LDLRAD2: variants seen among roughly 807,000 people sequenced by gnomAD.
LDLRAD2 encodes the protein low-density lipoprotein receptor class A domain-containing protein 2.
LDLRAD2 carries 25 observed loss-of-function variants against 24.9 expected under a neutral mutation model. The observed-to-expected ratio is 1.00, with a 90% CI of 0.73 to 1.40. The LOEUF is 1.40. Ranked by LOEUF, LDLRAD2 falls within the 40% of genes most tolerant of loss-of-function variation. The probability of loss-of-function intolerance (pLI) is 0.00; values close to 1 mark genes in which losing one functional copy is unlikely to be tolerated. For missense variants in LDLRAD2, 391 were observed against 366.2 expected (o/e 1.07, Z -0.55); for synonymous variants, 182 against 166.7 (o/e 1.09, Z -0.71).
At chr1:21,819,499 T>A (rs1345066465) in intron 3 of LDLRAD2, among the ~76,000 whole-genome samples, 1 of 149,908 alleles carries the variant, frequency 6.7e-6, no homozygotes, top group Non-Finnish European at 1.5e-5. Flanking sequence ...TATAAATTTA[T>A]AAATTTATAA....
intron 3 of LDLRAD2, among the ~76,000 whole-genome samples, chr1:21,818,026 A>G (rs1011884080): frequency 7.3e-5 from 11 of 151,702 alleles, no homozygotes; most frequent in African/African-American, 2.2e-4. Context: ...ACAGGTGCAC[A>G]CCACCACGCT....
chr1:21,822,849 C>A lies in LDLRAD2; in HGVS notation c.*634C>A. On this transcript the variant is annotated 3_prime_UTR_variant, in exon 5 of 5. Coordinates refer to ENST00000344642, the MANE Select transcript of LDLRAD2 (RefSeq NM_001013693.3). The stretch of plus-strand genomic sequence containing the variant: ...GCTGCCTTTTGCTCCACAGCCGGCA[C>A]TAAAGACAATTCCCAATCCTGAGTG... The A allele has an allele frequency of 6.2e-6, 1 of 162,558 alleles. No homozygotes were observed. Among genetic ancestry groups the A allele is most frequent in the Non-Finnish European group, 1.4e-5 (1 of 74,064 alleles). 10.1% of individuals were successfully genotyped at this position (162,558 alleles called of 1,614,324 possible).
In LDLRAD2 at chr1:21,822,538, A is replaced by G. The variant is rs1390613588; in HGVS notation, c.*323A>G. ...GGAGTCCCTGGGCCTTCACTTCCAG[A>G]TGGGTGGGGATGTGGCCTGGGGTGG... On this transcript the variant is annotated 3_prime_UTR_variant, in exon 5 of 5. Transcript: ENST00000344642. 1.2e-5 allele frequency: 3 copies of G among 255,890 alleles called. No homozygotes were observed. The highest frequency in any genetic ancestry group is 1.5e-5 in the Non-Finnish European group (2 of 129,448). The allele number at this position is 255,890 out of a possible 1,614,324, so 15.9% of individuals were successfully genotyped here. A position where few individuals can be genotyped will look rare whatever the true frequency, so the allele number is the denominator to read the frequency against.
At chr1:21,815,500 G>A (rs929433535) in intron 2 of LDLRAD2, among the ~76,000 whole-genome samples, 1 of 152,198 alleles carries the variant, frequency 6.6e-6, no homozygotes, top group African/African-American at 2.4e-5. Context: ...TCGCCCAACT[G>A]GGCGCCGTGG....
Position 21,812,380 on chromosome 1 carries a change from TC to T in LDLRAD2, c.-70del. The T allele has an allele frequency of 7.9e-7, 1 of 1,268,748 alleles. No individual in the cohort carries two copies. The highest frequency in any genetic ancestry group is 1.1e-6 in the Non-Finnish European group (1 of 873,162). The allele number at this position is 1,268,748 out of a possible 1,614,324, so 78.6% of individuals were successfully genotyped here. Reference sequence around the variant, plus strand: ...CTGCTGGCCTGACCAGGCCCCATACTCCAGTCTCCCCAGAGACCCCAAGCTG... The same window carrying T: ...CTGCTGGCCTGACCAGGCCCCATACTCAGTCTCCCCAGAGACCCCAAGCTG... On this transcript the variant is annotated 5_prime_UTR_variant, in exon 1 of 5. Transcript: ENST00000344642.
intron 4 of LDLRAD2, 47 bp downstream of exon 4, chr1:21,821,658 C>T (rs768347092): frequency 6.2e-7 from 1 of 1,603,678 alleles, no homozygotes; most frequent in Non-Finnish European, 8.5e-7. Context: ...ACCTGTCCCT[C>T]TCTAGGTGAT....
At chr1:21,820,893 C>G (rs1367346861) in intron 3 of LDLRAD2, among the ~76,000 whole-genome samples, 1 of 152,180 alleles carries the variant, frequency 6.6e-6, no homozygotes, top group East Asian at 1.9e-4. Flanking sequence ...GAGTGTGGTG[C>G]TTGATGCACA....
intron 1 of LDLRAD2, among the ~76,000 whole-genome samples, chr1:21,813,901 TC>T (rs1189773059): frequency 6.6e-6 from 1 of 150,520 alleles, no homozygotes; most frequent in Non-Finnish European, 1.5e-5. Context: ...TGACGGAGTC[TC>T]GCTGTGTTAC....
At chr1:21,815,017 C>G (rs146662040) in intron 2 of LDLRAD2, among the ~76,000 whole-genome samples, 194 bp downstream of exon 2, 2 of 152,242 alleles carry the variant, frequency 1.3e-5, no homozygotes, top group African/African-American at 4.8e-5. Context: ...TAAGGGACCT[C>G]CCGGATCCTA....
chr1:21,820,048 T>C (rs1209458722), intron 3 of LDLRAD2, among the ~76,000 whole-genome samples: 3 of 152,142 alleles, frequency 2.0e-5, no homozygotes. Context: ...GGTGCTAAAC[T>C]ATTCATGAGA....
rs753615594 is a variant in LDLRAD2, at chr1:21,816,060, C to A, written c.629C>A (p.Pro210Gln). 1.9e-6 allele frequency: 3 copies of A among 1,613,196 alleles called. No homozygotes were observed. The highest frequency in any genetic ancestry group is 1.1e-5 in the South Asian group (1 of 91,066). ...GDGSDQGSWS[P>Q]ADCRGPSPVP... Reference sequence around the variant, plus strand: ...GGCAGTGACCAGGGCTCCTGGTCACCAGCTGACTGCAGAGGTCAGTGCGGG... The same window carrying A: ...GGCAGTGACCAGGGCTCCTGGTCACAAGCTGACTGCAGAGGTCAGTGCGGG... Residue 210 changes from proline to glutamine, a missense_variant, in exon 3 of 5, where the codon CCA (proline) becomes CAA (glutamine). Pro to Gln is a moderately conservative substitution (Grantham distance 76). Coordinates refer to ENST00000344642, the MANE Select transcript of LDLRAD2 (RefSeq NM_001013693.3).
chr1:21,814,189 A>G (rs954041471), intron 1 of LDLRAD2, among the ~76,000 whole-genome samples: 2 of 152,176 alleles, frequency 1.3e-5, no homozygotes, highest in Admixed American at 1.3e-4. Context: ...AGGGTTTCGA[A>G]TAAGGGATTG....
At chr1:21,820,895 T>C (rs1365205178) in intron 3 of LDLRAD2, among the ~76,000 whole-genome samples, 3 of 152,072 alleles carry the variant, frequency 2.0e-5, no homozygotes, top group Non-Finnish European at 4.4e-5. Context: ...GTGTGGTGCT[T>C]GATGCACAGA....
At position 21,824,803 on chromosome 1, in the gene LDLRAD2, C is replaced by A; in HGVS notation, c.*2588C>A. 6.3e-7 allele frequency: 1 copy of A among 1,597,340 alleles called. No individual in the cohort carries two copies. The highest frequency in any genetic ancestry group is 1.3e-5 in the African/African-American group (1 of 74,670). On this transcript the variant is annotated 3_prime_UTR_variant, in exon 5 of 5. Transcript: ENST00000344642. This position sits in a 1 kb window ranked among gnomAD's most constrained non-coding sequence, Gnocchi z 5.9. The stretch of plus-strand genomic sequence containing the variant: ...ATCTGTGGGAGAGAGGAGGGTGGTG[C>A]CATACCTGCTGCATCAGGCATCAAA...
Position 21,812,319 on chromosome 1 carries a change from T to C in LDLRAD2, c.-133T>C. ...AAAGCACTAAGATCATAGTGAAGACTTGCCTCCCCCTTCTCCTTGTGTCCC... is the reference window on the plus strand; with the variant it reads ...AAAGCACTAAGATCATAGTGAAGACCTGCCTCCCCCTTCTCCTTGTGTCCC... On this transcript the variant is annotated 5_prime_UTR_variant, in exon 1 of 5. Coordinates refer to ENST00000344642, the MANE Select transcript of LDLRAD2 (RefSeq NM_001013693.3). 1 of 647,010 alleles carries C rather than the reference T, an allele frequency of 1.5e-6. No individual in the cohort carries two copies. The highest frequency in any genetic ancestry group is 2.8e-6 in the Non-Finnish European group (1 of 360,622). The allele number at this position is 647,010 out of a possible 1,614,324, so 40.1% of individuals were successfully genotyped here.
Position 21,823,257 on chromosome 1 carries a change from A to G in LDLRAD2, c.*1042A>G. The G allele has an allele frequency of 7.4e-7, 1 of 1,351,024 alleles. No individual in the cohort carries two copies. The highest frequency in any genetic ancestry group is 1.5e-5 in the African/African-American group (1 of 67,962). 83.7% of individuals were successfully genotyped at this position (1,351,024 alleles called of 1,614,324 possible). A position where few individuals can be genotyped will look rare whatever the true frequency, so the allele number is the denominator to read the frequency against. ...AATTCATAATAATATTAATAATAAT[A>G]TACTCGACATTGTCGGGCTGGGGCG... On this transcript the variant is annotated 3_prime_UTR_variant, in exon 5 of 5. Transcript: ENST00000344642.
Position 21,814,579 on chromosome 1 carries a change from G to T in LDLRAD2, c.267G>T (p.Leu89=). The T allele has an allele frequency of 6.2e-7, 1 of 1,611,896 alleles. No individual in the cohort carries two copies. The highest frequency in any genetic ancestry group is 8.5e-7 in the Non-Finnish European group (1 of 1,179,374). Residue 89 remains leucine, a synonymous_variant, in exon 2 of 5, where the codon CTG becomes CTT. Transcript: ENST00000344642. ...TCCGCTTCTTCCTGGTCTACAGCCT[G>T]ACCCCCGCGCCCCCGGCGCTCAACA... ...FQFRFFLVYS[L]TPAPPALNTS...
At position 21,823,871 on chromosome 1, in the gene LDLRAD2, C is replaced by G. The variant is rs897637678; in HGVS notation, c.*1656C>G. Reference sequence around the variant, plus strand: ...TTCTTTCCCCCGCTGAACGAGAGATCGGGCCCCACAAACACAGCTTCCTCA... The same window carrying G: ...TTCTTTCCCCCGCTGAACGAGAGATGGGGCCCCACAAACACAGCTTCCTCA... On this transcript the variant is annotated 3_prime_UTR_variant, in exon 5 of 5. Coordinates refer to ENST00000344642, the MANE Select transcript of LDLRAD2 (RefSeq NM_001013693.3). The G allele has an allele frequency of 1.3e-6, 1 of 755,842 alleles. No individual in the cohort carries two copies. The highest frequency in any genetic ancestry group is 2.7e-5 in the East Asian group (1 of 37,382). The allele number at this position is 755,842 out of a possible 1,614,324, so 46.8% of individuals were successfully genotyped here.
chr1:21,821,638 C>T (rs774727345), intron 4 of LDLRAD2, 27 bp downstream of exon 4: 3 of 1,609,248 alleles, frequency 1.9e-6, no homozygotes, highest in East Asian at 4.5e-5. Flanking sequence ...ACTCTTCCCA[C>T]CAAAATCATA....
Sources: gnomAD v4.1 joint callset for allele counts (sites outside exome capture counted in the v4.1 genomes callset) on GRCh38, gnomAD v4.1.1 for gene constraint, Gnocchi (gnomAD v3.1) non-coding constraint, MANE v1.5 for transcripts, NCBI Gene and HGNC (gene_info 2026-07-23, HGNC 2026-07-21) for gene names.